Variants in TAFA5 observed in about 807,000 individuals in gnomAD.
TAFA5 encodes TAFA chemokine like family member 5, also known as chemokine-like protein TAFA-5.
TAFA5 carries 6 observed loss-of-function variants against 15.3 expected under a neutral mutation model. That is an observed-to-expected ratio of 0.39 (90% CI 0.21 to 0.77). TAFA5 has a LOEUF of 0.77. Ranked by LOEUF, TAFA5 falls within the 30% of genes least tolerant of loss-of-function variation. The probability of loss-of-function intolerance (pLI) is 0.41; values close to 1 mark genes in which losing one functional copy is unlikely to be tolerated. For synonymous variants in TAFA5, 103 were observed against 80.7 expected (o/e 1.28, Z -1.48); for missense variants, 161 against 193.1 (o/e 0.83, Z 0.98).
At chr22:48,721,896 G>A (rs1428087482) in intron 3 of TAFA5, among the ~76,000 whole-genome samples, 1 of 152,108 alleles carries the variant, frequency 6.6e-6, no homozygotes, top group Non-Finnish European at 1.5e-5. Context: ...TTGATCGCTT[G>A]AACCTAGGAG....
At chr22:48,747,955 C>T (rs1470579496) in intron 3 of TAFA5, among the ~76,000 whole-genome samples, 1 of 151,282 alleles carries the variant, frequency 6.6e-6, no homozygotes, top group East Asian at 1.9e-4. Context: ...TCCTCCTGAC[C>T]TTAACGTCAG....
intron 1 of TAFA5, among the ~76,000 whole-genome samples, chr22:48,629,700 C>T (rs1442467386): frequency 1.3e-5 from 2 of 152,236 alleles, no homozygotes; most frequent in Non-Finnish European, 2.9e-5. Flanking sequence ...ATGCATGGGA[C>T]AGTCCCCAGC....
At chr22:48,517,236 A>T (rs1320194899) in intron 1 of TAFA5, among the ~76,000 whole-genome samples, 1 of 152,140 alleles carries the variant, frequency 6.6e-6, no homozygotes, top group Admixed American at 6.5e-5. Context: ...TGCCCCCAGC[A>T]GGGAAGCCAA....
intron 3 of TAFA5, among the ~76,000 whole-genome samples, chr22:48,717,030 T>C (rs1459895638): frequency 6.6e-6 from 1 of 152,128 alleles, no homozygotes; most frequent in Non-Finnish European, 1.5e-5. Flanking sequence ...TAAAAATCTC[T>C]CCAGAACTGA....
chr22:48,610,170 A>C (rs954342892), intron 1 of TAFA5, among the ~76,000 whole-genome samples: 1 of 152,156 alleles, frequency 6.6e-6, no homozygotes, highest in East Asian at 1.9e-4. Context: ...GAGGCGGGGC[A>C]GGGAGGCCTT....
At chr22:48,738,883 GA>G (rs1451830310) in intron 3 of TAFA5, among the ~76,000 whole-genome samples, 39 of 152,192 alleles carry the variant, frequency 2.6e-4, no homozygotes, top group Non-Finnish European at 2.9e-5. Context: ...TCAGGGCCAA[GA>G]TGGGACGCTG....
chr22:48,641,195 C>T lies in TAFA5; in HGVS notation c.113-5402C>T, dbSNP rs1442796819. Among the ~76,000 whole-genome samples, 3 of 152,148 alleles carry T rather than the reference C, an allele frequency of 2.0e-5. No homozygotes were observed. The East Asian group carries it at 5.8e-4, about 29-fold the overall frequency. On this transcript the variant is annotated intron_variant, in intron 1 of 3. Transcript: ENST00000402357. Reference sequence around the variant, plus strand: ...TGCCAGGGCAGTGGGAACAGTGGTCCGTGGTCTCTGGTGGTTCCCTGCTGC... The same window carrying T: ...TGCCAGGGCAGTGGGAACAGTGGTCTGTGGTCTCTGGTGGTTCCCTGCTGC...
At chr22:48,618,884 C>G (rs1484836861) in intron 1 of TAFA5, among the ~76,000 whole-genome samples, 1 of 152,188 alleles carries the variant, frequency 6.6e-6, no homozygotes, top group Non-Finnish European at 1.5e-5. Flanking sequence ...ATAGGCCCCC[C>G]TCGCCTGCAC....
chr22:48,519,582 G>A (rs113917833), intron 1 of TAFA5, among the ~76,000 whole-genome samples: 3 of 152,250 alleles, frequency 2.0e-5, no homozygotes, highest in East Asian at 1.9e-4. Context: ...GCTGGGCCAC[G>A]AGAGAGGGAT....
intron 3 of TAFA5, among the ~76,000 whole-genome samples, chr22:48,745,342 G>T (rs1261375766): frequency 8.2e-4 from 117 of 143,390 alleles, no homozygotes; most frequent in African/African-American, 3.2e-3. Context: ...CCCTGAGCAT[G>T]GGCACACAAC....
Position 48,750,093 on chromosome 22 carries a change from G to A in TAFA5, c.*246G>A. 2 of 559,716 alleles carry A rather than the reference G, an allele frequency of 3.6e-6. No homozygotes were observed. Among genetic ancestry groups the A allele is most frequent in the East Asian group, 3.0e-5 (1 of 33,094 alleles). The allele number at this position is 559,716 out of a possible 1,614,324, so 34.7% of individuals were successfully genotyped here. A position where few individuals can be genotyped will look rare whatever the true frequency, so the allele number is the denominator to read the frequency against. ...CGGCACCTGGCATCAGCAATACGCA[G>A]TCTGTGGGAGCCCGGCCGCGCCCAG... On this transcript the variant is annotated 3_prime_UTR_variant, in exon 4 of 4. Transcript: ENST00000402357.
At chr22:48,500,662 T>C (rs1920946893) in intron 1 of TAFA5, among the ~76,000 whole-genome samples, 1 of 152,224 alleles carries the variant, frequency 6.6e-6, no homozygotes. Context: ...TGACTTGCGC[T>C]TCCCGTGACG....
chr22:48,692,945 A>G (rs738692), intron 2 of TAFA5, among the ~76,000 whole-genome samples: 58,151 of 152,064 alleles, frequency 0.38, 11,238 homozygotes, highest in South Asian at 0.52. Context: ...CAGGAAGGGC[A>G]TCGGCGGCGC....
At chr22:48,525,745 TCCTGTTCTTCCCTG>T (rs1422988519) in intron 1 of TAFA5, among the ~76,000 whole-genome samples, 1 of 152,124 alleles carries the variant, frequency 6.6e-6, no homozygotes, top group African/African-American at 2.4e-5. Context: ...ACCCGAGCCC[TCCTGTTCTTCCCTG>T]CCTCCAGGCC....
At chr22:48,718,085 G>A (rs528978131) in intron 3 of TAFA5, among the ~76,000 whole-genome samples, 11 of 152,320 alleles carry the variant, frequency 7.2e-5, no homozygotes, top group African/African-American at 2.4e-4. Flanking sequence ...GGCTGCTGCG[G>A]ACAGCAGGCC....
rs575323131 is a variant in TAFA5, at chr22:48,597,659, C to T, written c.113-48938C>T. ...CTTGTGAGGGGAACCCCACCACATG[C>T]GGTTATATCTGCACCTCAGCTTCCG... On this transcript the variant is annotated intron_variant, in intron 1 of 3. Coordinates refer to ENST00000402357, the MANE Select transcript of TAFA5 (RefSeq NM_001082967.3). Among the ~76,000 whole-genome samples the T allele has an allele frequency of 7.4e-4, 113 of 152,388 alleles. 1 individual carries two copies. Among genetic ancestry groups the T allele is most frequent in the Non-Finnish European group, 6.2e-4 (42 of 68,040 alleles).
intron 3 of TAFA5, among the ~76,000 whole-genome samples, chr22:48,737,235 G>A (rs1051904857): frequency 1.1e-4 from 17 of 152,204 alleles, no homozygotes; most frequent in African/African-American, 4.1e-4. Flanking sequence ...TCCTGAACGT[G>A]GACACAGGAC....
At chr22:48,624,041 G>A (rs972740321) in intron 1 of TAFA5, among the ~76,000 whole-genome samples, 4 of 152,138 alleles carry the variant, frequency 2.6e-5, no homozygotes, top group Admixed American at 2.0e-4. Flanking sequence ...GATCCCACGT[G>A]GTATTATTAG....
chr22:48,593,884 C>T (rs1337758954), intron 1 of TAFA5, among the ~76,000 whole-genome samples: 1 of 152,220 alleles, frequency 6.6e-6, no homozygotes, highest in African/African-American at 2.4e-5. Context: ...TGAAGGGGAC[C>T]TCACAGCACA....
Sources: allele counts gnomAD v4.1 joint callset (sites outside exome capture counted in the v4.1 genomes callset), GRCh38; gene constraint gnomAD v4.1.1; transcripts MANE v1.5; gene names NCBI Gene and HGNC (gene_info 2026-07-23, HGNC 2026-07-21).